Variants in MBNL2 observed in about 807,000 individuals in gnomAD.
MBNL2 encodes muscleblind like splicing regulator 2.
In MBNL2, 17 loss-of-function variants were observed where a neutral mutation model predicts 41.9. That is an observed-to-expected ratio of 0.41 (90% CI 0.28 to 0.61). The LOEUF (loss-of-function observed/expected upper bound fraction) is 0.61, where lower values mean the gene tolerates loss of function less well. MBNL2 is among the 20% of genes least tolerant of loss of function. MBNL2 has a pLI of 0.35. For missense variants in MBNL2, 336 were observed against 505.6 expected (o/e 0.66, Z 3.22); for synonymous variants, 195 against 182.9 (o/e 1.07, Z -0.53).
At chr13:97,381,198 A>T (rs2065428121) in intron 8 of MBNL2, among the ~76,000 whole-genome samples, 1 of 152,178 alleles carries the variant, frequency 6.6e-6, no homozygotes, top group African/African-American at 2.4e-5. Context: ...AAAATTTGTT[A>T]TATGGCAGCA....
At chr13:97,323,186 T>C (rs2059643554) in intron 2 of MBNL2, among the ~76,000 whole-genome samples, 1 of 152,112 alleles carries the variant, frequency 6.6e-6, no homozygotes. Context: ...TCTGTGGGGG[T>C]AGGTGATTCA....
the MBNL2 span, among the ~76,000 whole-genome samples, chr13:97,165,458 C>G: frequency 1.3e-5 from 2 of 152,096 alleles, no homozygotes; most frequent in South Asian, 2.1e-4. Context: ...TTTTAAAATG[C>G]CTTTTATGGG....
intron 3 of MBNL2, among the ~76,000 whole-genome samples, chr13:97,337,490 G>C (rs552628105): frequency 3.3e-5 from 5 of 152,130 alleles, no homozygotes; most frequent in South Asian, 2.1e-4. Context: ...CCAAGAGCTG[G>C]ATATTTCTTT....
rs554077018 is a variant in MBNL2, at chr13:97,371,701, C to T, written c.1048+6530C>T. 2.0e-5 allele frequency among the ~76,000 whole-genome samples: 3 copies of T among 152,188 alleles called. No individual in the cohort carries two copies. In the Middle Eastern group the frequency reaches 0.01, roughly 518 times the overall value. On this transcript the variant is annotated intron_variant, in intron 8 of 8. Transcript: ENST00000679496. Reference sequence around the variant, plus strand: ...GGCCATTAAGAGGTTTTAACAAGAGCCTAAACTGGGACAATGGCAGCTGGC... The same window carrying T: ...GGCCATTAAGAGGTTTTAACAAGAGTCTAAACTGGGACAATGGCAGCTGGC...
rs34820289 is a variant in MBNL2, at chr13:97,334,148, C to CCACACACACACACACACACA, written c.175-119_175-100dup. The CCACACACACACACACACACA allele has an allele frequency of 4.9e-5, 27 of 547,430 alleles. No homozygotes were observed. Among genetic ancestry groups the CCACACACACACACACACACA allele is most frequent in the African/African-American group, 4.6e-4 (23 of 49,670 alleles). The allele number at this position is 547,430 out of a possible 1,614,324, so 33.9% of individuals were successfully genotyped here. ...AACACATGAGCATGCGCGCGCACACCCACACACACACACACACACACACAC... is the reference window on the plus strand; with the variant it reads ...AACACATGAGCATGCGCGCGCACACCCACACACACACACACACACACACACACACACACACACACACACAC... On this transcript the variant is annotated intron_variant, in intron 2 of 8. Coordinates refer to ENST00000679496, the MANE Select transcript of MBNL2 (RefSeq NM_001382683.1). This position sits in a 1 kb window ranked among gnomAD's most constrained non-coding sequence, Gnocchi z 5.3.
chr13:97,178,127 C>A, the MBNL2 span, among the ~76,000 whole-genome samples: 1 of 152,082 alleles, frequency 6.6e-6, no homozygotes, highest in Non-Finnish European at 1.5e-5. Context: ...GAAGTAAATC[C>A]ACAGGATTCT....
upstream of MBNL2, among the ~76,000 whole-genome samples, chr13:97,219,171 G>A (rs1422955945): frequency 2.0e-5 from 3 of 152,142 alleles, no homozygotes; most frequent in Non-Finnish European, 4.4e-5. Flanking sequence ...AGACCCCTGG[G>A]AGATTTGCAT....
At chr13:97,356,944 T>G in intron 6 of MBNL2, 95 bp downstream of exon 6, 1 of 660,938 alleles carries the variant, frequency 1.5e-6, no homozygotes. Context: ...CAAACAATCA[T>G]TATTATTAAT....
At chr13:97,182,104 A>C in the MBNL2 span, among the ~76,000 whole-genome samples, 1 of 152,102 alleles carries the variant, frequency 6.6e-6, no homozygotes, top group Non-Finnish European at 1.5e-5. Context: ...AGGATGATGT[A>C]TTTTACTTTG....
At chr13:97,163,203 C>T in the MBNL2 span, among the ~76,000 whole-genome samples, 3 of 152,316 alleles carry the variant, frequency 2.0e-5, no homozygotes, top group East Asian at 1.9e-4. Context: ...GATCTGACTC[C>T]ACTCTTCCTT....
rs1288291444 is a variant in MBNL2, at chr13:97,334,152, A to ACACACACC, written c.175-117_175-116insCCACACAC. 2 of 556,872 alleles carry ACACACACC rather than the reference A, an allele frequency of 3.6e-6. No homozygotes were observed. Among genetic ancestry groups the ACACACACC allele is most frequent in the Non-Finnish European group, 6.0e-6 (2 of 333,062 alleles). 34.5% of individuals were successfully genotyped at this position (556,872 alleles called of 1,614,324 possible). A position where few individuals can be genotyped will look rare whatever the true frequency, so the allele number is the denominator to read the frequency against. On this transcript the variant is annotated intron_variant, in intron 2 of 8. Coordinates refer to ENST00000679496, the MANE Select transcript of MBNL2 (RefSeq NM_001382683.1). This position sits in a 1 kb window ranked among gnomAD's most constrained non-coding sequence, Gnocchi z 5.3. Reference sequence around the variant, plus strand: ...CATGAGCATGCGCGCGCACACCCACACACACACACACACACACACACACAG... The same window carrying ACACACACC: ...CATGAGCATGCGCGCGCACACCCACACACACACCCACACACACACACACACACACACAG...
intron 1 of MBNL2, among the ~76,000 whole-genome samples, chr13:97,263,569 G>A (rs557339693): frequency 6.6e-6 from 1 of 152,224 alleles, no homozygotes; most frequent in Non-Finnish European, 1.5e-5. Flanking sequence ...ACAGGATTTT[G>A]ATGTCTTGCA....
chr13:97,386,873 A>C (rs1193062290), intron 8 of MBNL2, among the ~76,000 whole-genome samples: 2 of 152,070 alleles, frequency 1.3e-5, no homozygotes, highest in Non-Finnish European at 2.9e-5. Flanking sequence ...CATTGTAGCC[A>C]GCTGATATTT....
Position 97,344,549 on chromosome 13 carries a change from A to C in MBNL2, c.540+1333A>C, listed in dbSNP as rs1020240800. Among the ~76,000 whole-genome samples the C allele has an allele frequency of 3.9e-5, 6 of 152,382 alleles. No individual in the cohort carries two copies. In the South Asian group the frequency reaches 6.2e-4, roughly 16 times the overall value. ...ATAACCTGTGCAAGTTTTAAAACTCAGAATTTCAAACTGCAAATATTTTAG... is the reference window on the plus strand; with the variant it reads ...ATAACCTGTGCAAGTTTTAAAACTCCGAATTTCAAACTGCAAATATTTTAG... On this transcript the variant is annotated intron_variant, in intron 4 of 8. Transcript: ENST00000679496.
intron 2 of MBNL2, among the ~76,000 whole-genome samples, chr13:97,300,411 G>A (rs1325393359): frequency 6.6e-6 from 1 of 152,160 alleles, no homozygotes; most frequent in Admixed American, 6.5e-5. Flanking sequence ...GGGATAGTTT[G>A]GGGATGAAAT....
At chr13:97,208,174 A>C in the MBNL2 span, among the ~76,000 whole-genome samples, 1 of 152,228 alleles carries the variant, frequency 6.6e-6, no homozygotes, top group Non-Finnish European at 1.5e-5. Context: ...AAAGCCTTTA[A>C]TATGCTCATG....
the MBNL2 span, among the ~76,000 whole-genome samples, chr13:97,156,941 G>C: frequency 6.6e-6 from 1 of 151,814 alleles, no homozygotes; most frequent in African/African-American, 2.4e-5. Context: ...AAAGTCATTG[G>C]TAGCTTGATG....
intron 8 of MBNL2, among the ~76,000 whole-genome samples, chr13:97,377,248 A>T (rs2153148823): frequency 6.6e-6 from 1 of 152,352 alleles, no homozygotes; most frequent in East Asian, 1.9e-4. Context: ...TTAAGTGGCA[A>T]AGCCAGACTT....
chr13:97,174,634 T>C, the MBNL2 span, among the ~76,000 whole-genome samples: 2 of 152,202 alleles, frequency 1.3e-5, no homozygotes, highest in East Asian at 3.9e-4. Flanking sequence ...AAATAGGTAT[T>C]TTGGAAGGCA....
Sources: gnomAD v4.1 joint callset for allele counts (sites outside exome capture counted in the v4.1 genomes callset) on GRCh38, gnomAD v4.1.1 for gene constraint, Gnocchi (gnomAD v3.1) non-coding constraint, MANE v1.5 for transcripts, NCBI Gene and HGNC (gene_info 2026-07-23, HGNC 2026-07-21) for gene names.